Variants in CCDC92 observed in about 807,000 individuals in gnomAD.
The protein encoded by CCDC92 is coiled-coil domain-containing protein 92.
A neutral mutation model predicts 24.9 loss-of-function variants in CCDC92; 12 were observed. The observed-to-expected ratio is 0.48, with a 90% CI of 0.31 to 0.78. The LOEUF (loss-of-function observed/expected upper bound fraction) is 0.78, where lower values mean the gene tolerates loss of function less well. CCDC92 is among the 30% of genes least tolerant of loss of function. The pLI is 0.05. For synonymous variants in CCDC92, 193 were observed against 196.3 expected, an observed-to-expected ratio of 0.98 and a Z score of 0.14; for missense variants, 399 against 439.4, an observed-to-expected ratio of 0.91 and a Z score of 0.82.
At chr12:123,943,144 G>A (rs543665310) in intron 3 of CCDC92, among the ~76,000 whole-genome samples, 1 of 152,374 alleles carries the variant, frequency 6.6e-6, no homozygotes, top group African/African-American at 2.4e-5. Context: ...AATCTCTTAA[G>A]TCCTCAGTAT....
At chr12:123,960,298 T>C (rs1266664764) in intron 1 of CCDC92, among the ~76,000 whole-genome samples, 1 of 152,204 alleles carries the variant, frequency 6.6e-6, no homozygotes, top group East Asian at 1.9e-4. Flanking sequence ...GTATCTTGTA[T>C]TAGTGAGCAT....
At chr12:123,960,132 T>A (rs867247252) in intron 1 of CCDC92, among the ~76,000 whole-genome samples, 1 of 152,246 alleles carries the variant, frequency 6.6e-6, no homozygotes, top group African/African-American at 2.4e-5. Context: ...AACAAGGACT[T>A]TTCTGTCTTG....
chr12:123,941,517 T>C (rs933497500), intron 4 of CCDC92, among the ~76,000 whole-genome samples: 1 of 152,226 alleles, frequency 6.6e-6, no homozygotes. Flanking sequence ...CTGGACACTC[T>C]CATGAATAGT....
chr12:123,959,006 T>C (rs1956213502), intron 1 of CCDC92, among the ~76,000 whole-genome samples: 1 of 152,218 alleles, frequency 6.6e-6, no homozygotes, highest in Non-Finnish European at 1.5e-5. Flanking sequence ...ACAGATGAGC[T>C]GTACTGGATC....
chr12:123,952,696 A>AGT (rs1956056318), intron 1 of CCDC92, among the ~76,000 whole-genome samples: 1 of 152,256 alleles, frequency 6.6e-6, no homozygotes, highest in Non-Finnish European at 1.5e-5. Flanking sequence ...TAGCAATAAA[A>AGT]ACGGACAACA....
intron 1 of CCDC92, chr12:123,966,645 C>G (rs910887881): frequency 6.6e-6 from 1 of 152,246 alleles, no homozygotes; most frequent in Non-Finnish European, 1.5e-5. Context: ...AACGACTTCA[C>G]ACCTTCTAAC....
In CCDC92 at chr12:123,972,793, C is replaced by G. The variant is rs1336900758; in HGVS notation, c.-324G>C. 7 of 146,582 alleles carry G rather than the reference C, an allele frequency of 4.8e-5. No individual in the cohort carries two copies. In the East Asian group the frequency reaches 9.9e-4, roughly 21 times the overall value. The allele number at this position is 146,582 out of a possible 1,614,324, so 9.1% of individuals were successfully genotyped here. ...GCGGCGAGGCCTGGCCGCGCTGACCCGGCGGGCTAGGCGCCGGCGCGGCGG... is the reference window on the plus strand; with the variant it reads ...GCGGCGAGGCCTGGCCGCGCTGACCGGGCGGGCTAGGCGCCGGCGCGGCGG... On this transcript the variant is annotated 5_prime_UTR_variant, in exon 1 of 5. Transcript: ENST00000238156.
At chr12:123,959,779 T>G (rs1956232394) in intron 1 of CCDC92, among the ~76,000 whole-genome samples, 1 of 138,456 alleles carries the variant, frequency 7.2e-6, no homozygotes, top group Admixed American at 7.1e-5. Flanking sequence ...TCTGAGAAAT[T>G]TTTCATTTTT....
intron 4 of CCDC92, among the ~76,000 whole-genome samples, chr12:123,940,364 T>G (rs1468305457): frequency 6.6e-6 from 1 of 152,144 alleles, no homozygotes; most frequent in African/African-American, 2.4e-5. Context: ...TGGATAGACA[T>G]CCTCCTCATC....
intron 1 of CCDC92, among the ~76,000 whole-genome samples, chr12:123,967,169 G>A (rs553862770): frequency 1.3e-5 from 2 of 151,942 alleles, no homozygotes; most frequent in Non-Finnish European, 2.9e-5. Flanking sequence ...TTCCTCCCCC[G>A]AGAGCAATAG....
At chr12:123,947,751 G>A (rs1195373092) in intron 1 of CCDC92, among the ~76,000 whole-genome samples, 1 of 152,094 alleles carries the variant, frequency 6.6e-6, no homozygotes, top group Admixed American at 6.6e-5. Context: ...TGTGGGTGGG[G>A]CCAGATAAGA....
chr12:123,943,720 CCCTAGCA>C, intron 2 of CCDC92: 1 of 587,132 alleles, frequency 1.7e-6, no homozygotes, highest in Non-Finnish European at 3.0e-6. Flanking sequence ...TTGGGGTGTG[CCCTAGCA>C]CCTAGCACGA....
chr12:123,963,232 G>C (rs1271657442), intron 1 of CCDC92, among the ~76,000 whole-genome samples: 2 of 152,196 alleles, frequency 1.3e-5, no homozygotes, highest in African/African-American at 4.8e-5. Flanking sequence ...ATTTAAGGCA[G>C]GCCTTTTCTC....
At chr12:123,948,944 G>A (rs963951467) in intron 1 of CCDC92, among the ~76,000 whole-genome samples, 1 of 152,208 alleles carries the variant, frequency 6.6e-6, no homozygotes, top group African/African-American at 2.4e-5. Context: ...ACTGTGACAT[G>A]ACTGAAGCCA....
At chr12:123,969,990 T>C (rs904532282) in intron 1 of CCDC92, 12 of 152,186 alleles carry the variant, frequency 7.9e-5, no homozygotes, top group East Asian at 3.8e-4. Flanking sequence ...TTAAAACACA[T>C]TGAATTCGAG....
At chr12:123,963,243 C>T (rs1054465607) in intron 1 of CCDC92, among the ~76,000 whole-genome samples, 1 of 152,196 alleles carries the variant, frequency 6.6e-6, no homozygotes, top group Non-Finnish European at 1.5e-5. Flanking sequence ...GCCTTTTCTC[C>T]TCTTTGGACT....
At chr12:123,956,950 C>T (rs1956162663) in intron 1 of CCDC92, among the ~76,000 whole-genome samples, 1 of 152,170 alleles carries the variant, frequency 6.6e-6, no homozygotes, top group Non-Finnish European at 1.5e-5. Context: ...GAATGAGAGG[C>T]AATCCAGTAT....
chr12:123,944,013 T>C, intron 2 of CCDC92: 1 of 515,442 alleles, frequency 1.9e-6, no homozygotes, highest in Non-Finnish European at 3.4e-6. Flanking sequence ...AGCTGGCACC[T>C]GGGAAATGGG....
chr12:123,952,769 C>T (rs957724673), intron 1 of CCDC92, among the ~76,000 whole-genome samples: 16 of 152,152 alleles, frequency 1.1e-4, no homozygotes, highest in South Asian at 8.3e-4. Context: ...AGAGTAAACA[C>T]GATTACAAAG....
Sources: allele counts gnomAD v4.1 joint callset (sites outside exome capture counted in the v4.1 genomes callset), GRCh38; gene constraint gnomAD v4.1.1; transcripts MANE v1.5; gene names NCBI Gene and HGNC (gene_info 2026-07-23, HGNC 2026-07-21).